CA10: variants seen among roughly 807,000 people sequenced by gnomAD.
CA10 encodes the protein carbonic anhydrase-related protein 10.
CA10 carries 14 observed loss-of-function variants against 44.2 expected under a neutral mutation model. The ratio of observed to expected loss-of-function variants is 0.32; its 90% CI spans 0.21 to 0.50. The LOEUF (loss-of-function observed/expected upper bound fraction) is 0.50. Ranked by LOEUF, CA10 falls within the 20% of genes least tolerant of loss-of-function variation. The pLI is 0.99. For synonymous variants in CA10, 159 were observed against 141.6 expected (o/e 1.12, Z -0.87); for missense variants, 350 against 409.7 (o/e 0.85, Z 1.26).
At chr17:51,951,825 G>A (rs1204944752) in intron 2 of CA10, among the ~76,000 whole-genome samples, 1 of 152,174 alleles carries the variant, frequency 6.6e-6, no homozygotes, top group Non-Finnish European at 1.5e-5. Flanking sequence ...AGGTTGCCTT[G>A]GGAGGGAGAA....
At chr17:52,127,448 G>T (rs765776341) in intron 1 of CA10, among the ~76,000 whole-genome samples, 14 of 152,152 alleles carry the variant, frequency 9.2e-5, no homozygotes, top group African/African-American at 1.9e-4. Flanking sequence ...ACACTGAGAG[G>T]TATAATTGTG....
At chr17:51,714,050 T>C (rs1395574111) in intron 4 of CA10, among the ~76,000 whole-genome samples, 2 of 152,154 alleles carry the variant, frequency 1.3e-5, no homozygotes, top group East Asian at 3.9e-4. Context: ...ATGGTGCCCC[T>C]AAGGAGAGAA....
At chr17:52,017,596 T>C (rs1176965788) in intron 2 of CA10, among the ~76,000 whole-genome samples, 2 of 152,064 alleles carry the variant, frequency 1.3e-5, no homozygotes, top group Non-Finnish European at 2.9e-5. Context: ...CAGCCTACAG[T>C]TAATTAGACG....
At chr17:52,077,298 G>T (rs1369698414) in intron 1 of CA10, among the ~76,000 whole-genome samples, 1 of 152,146 alleles carries the variant, frequency 6.6e-6, no homozygotes, top group Non-Finnish European at 1.5e-5. Context: ...GAGGCTTTTG[G>T]TGATCCCTTC....
intron 2 of CA10, among the ~76,000 whole-genome samples, chr17:51,946,502 G>A (rs1038328026): frequency 7.9e-5 from 12 of 152,062 alleles, no homozygotes; most frequent in East Asian, 1.9e-4. Context: ...AATCCATCCC[G>A]TGGGACCTGT....
intron 1 of CA10, 121 bp from the exon 2 acceptor site, chr17:52,072,514 C>A: frequency 1.7e-6 from 1 of 593,004 alleles, no homozygotes. Context: ...AGTCATACTA[C>A]AACAGAACCT....
chr17:51,653,757 G>C (rs1417164982), intron 4 of CA10, 21 bp from the exon 5 acceptor site: 1 of 1,396,570 alleles, frequency 7.2e-7, no homozygotes, highest in African/African-American at 1.4e-5. Context: ...GGAAAAACAA[G>C]AATCAGAACA....
chr17:52,010,662 G>A (rs1985759923), intron 2 of CA10, among the ~76,000 whole-genome samples: 1 of 151,808 alleles, frequency 6.6e-6, no homozygotes, highest in South Asian at 2.1e-4. Context: ...TGCACATTGG[G>A]TACAGTTTAC....
intron 3 of CA10, among the ~76,000 whole-genome samples, chr17:51,800,359 G>A (rs904954476): frequency 4.6e-5 from 7 of 152,094 alleles, no homozygotes; most frequent in Non-Finnish European, 7.3e-5. Context: ...GGGAAATGGG[G>A]GTGACTTCTA....
chr17:51,954,984 G>T (rs1983613094), intron 2 of CA10, among the ~76,000 whole-genome samples: 1 of 152,146 alleles, frequency 6.6e-6, no homozygotes, highest in African/African-American at 2.4e-5. Flanking sequence ...TCACAAAAGA[G>T]ATAGGAAGTT....
At chr17:52,127,181 T>C (rs1248119294) in intron 1 of CA10, among the ~76,000 whole-genome samples, 2 of 152,214 alleles carry the variant, frequency 1.3e-5, no homozygotes, top group African/African-American at 4.8e-5. Context: ...ATCACAAACA[T>C]ATATATGGAT....
chr17:52,054,325 C>A (rs1278569820), intron 2 of CA10, among the ~76,000 whole-genome samples: 1 of 152,112 alleles, frequency 6.6e-6, no homozygotes, highest in East Asian at 1.9e-4. Context: ...CACTCCCAGG[C>A]TTATTAGGAT....
chr17:52,107,426 C>CT (rs770403711), intron 1 of CA10, among the ~76,000 whole-genome samples: 7 of 151,936 alleles, frequency 4.6e-5, no homozygotes, highest in Non-Finnish European at 7.4e-5. Context: ...GTTATTTTTT[C>CT]TTTTTTCCTA....
At chr17:51,654,359 C>A (rs994861846) in intron 4 of CA10, among the ~76,000 whole-genome samples, 1 of 152,142 alleles carries the variant, frequency 6.6e-6, no homozygotes, top group African/African-American at 2.4e-5. Context: ...TTTTTAAATT[C>A]ATTTTTAAAA....
chr17:51,790,687 A>G (rs980659445), intron 3 of CA10, among the ~76,000 whole-genome samples: 1 of 152,246 alleles, frequency 6.6e-6, no homozygotes, highest in African/African-American at 2.4e-5. Context: ...GTGTGTGTCC[A>G]GATAAACTTA....
rs777405642 is a variant in CA10 at position 51,705,168 on chromosome 17, C to G, written c.465+42465G>C. ...CTTTGCTCCTTAAACTTGCTATGTT[C>G]CCTCTTATTACAAGGCTTCCGTGTG... On this transcript the variant is annotated intron_variant, in intron 4 of 8. Transcript: ENST00000451037. Among the ~76,000 whole-genome samples, 70 of 152,098 alleles carry G rather than the reference C, an allele frequency of 4.6e-4. 1 individual carries two copies. The highest frequency in any genetic ancestry group is 4.1e-4 in the South Asian group (2 of 4,824).
intron 3 of CA10, among the ~76,000 whole-genome samples, chr17:51,773,263 A>G (rs1473177469): frequency 6.6e-6 from 1 of 152,236 alleles, no homozygotes; most frequent in Non-Finnish European, 1.5e-5. Context: ...CCCTGGTTAT[A>G]GAGGACTGAC....
intron 4 of CA10, among the ~76,000 whole-genome samples, chr17:51,720,578 C>T (rs925559227): frequency 6.6e-6 from 1 of 152,174 alleles, no homozygotes; most frequent in African/African-American, 2.4e-5. Context: ...GAATACTATA[C>T]AGCCTTAAAA....
intron 4 of CA10, among the ~76,000 whole-genome samples, chr17:51,724,942 G>GT (rs796310503): frequency 7.3e-4 from 111 of 152,376 alleles, no homozygotes; most frequent in African/African-American, 2.4e-3. Flanking sequence ...TCACTGTTGA[G>GT]TGCCTACAAG....
Sources: allele counts gnomAD v4.1 joint callset (sites outside exome capture counted in the v4.1 genomes callset), GRCh38; gene constraint gnomAD v4.1.1; transcripts MANE v1.5; gene names NCBI Gene and HGNC (gene_info 2026-07-23, HGNC 2026-07-21).